The following RIMS2 variants were observed in gnomAD, a reference collection of about 807,000 sequenced individuals.
The protein encoded by RIMS2 is regulating synaptic membrane exocytosis protein 2.
A neutral mutation model predicts 174.4 loss-of-function variants in RIMS2; 59 were observed. That is an observed-to-expected ratio of 0.34 (90% CI 0.27 to 0.42). The LOEUF (loss-of-function observed/expected upper bound fraction) is 0.42. RIMS2 is among the 10% of genes least tolerant of loss of function. The pLI is 1.00. For missense variants in RIMS2, 1,620 were observed against 1,666.3 expected, an observed-to-expected ratio of 0.97 and a Z score of 0.48; for synonymous variants, 606 against 572.5, an observed-to-expected ratio of 1.06 and a Z score of -0.84.
At chr8:104,189,980 G>A (rs1365319343) in intron 19 of RIMS2, among the ~76,000 whole-genome samples, 2 of 151,990 alleles carry the variant, frequency 1.3e-5, no homozygotes, top group Admixed American at 1.3e-4. Flanking sequence ...CACCTCCAGT[G>A]ATGGAGAATT....
At chr8:104,193,072 T>C (rs1215343875) in intron 19 of RIMS2, among the ~76,000 whole-genome samples, 1 of 151,508 alleles carries the variant, frequency 6.6e-6, no homozygotes, top group Non-Finnish European at 1.5e-5. Context: ...TCTCCCTCCC[T>C]CCCTCCTTCC....
chr8:103,767,192 CTT>C (rs35159105), intron 3 of RIMS2, among the ~76,000 whole-genome samples: 179 of 138,500 alleles, frequency 1.3e-3, no homozygotes, highest in Admixed American at 1.3e-3. Context: ...CTTTTTCTTT[CTT>C]TTTTTTTTTT....
intron 2 of RIMS2, among the ~76,000 whole-genome samples, chr8:103,759,033 T>G (rs2098071978): frequency 6.7e-6 from 1 of 149,818 alleles, no homozygotes; most frequent in Admixed American, 6.7e-5. Flanking sequence ...TCTATTCTTC[T>G]ACATTGTAGG....
At chr8:103,989,391 T>G (rs1383996871) in exon 17 of RIMS2, 1 of 1,606,894 alleles carries the variant, frequency 6.2e-7, no homozygotes, top group Non-Finnish European at 8.5e-7. Context: ...CATCGTGTCA[T>G]GGATGACCAT....
intron 19 of RIMS2, among the ~76,000 whole-genome samples, chr8:104,189,655 C>T (rs1420645646): frequency 1.4e-5 from 2 of 146,372 alleles, no homozygotes; most frequent in Non-Finnish European, 3.0e-5. Flanking sequence ...ATATATATTC[C>T]AAATGTATAT....
intron 19 of RIMS2, among the ~76,000 whole-genome samples, chr8:104,045,357 G>A (rs1031080326): frequency 6.6e-6 from 1 of 151,770 alleles, no homozygotes; most frequent in African/African-American, 2.4e-5. Context: ...TCATAATGAA[G>A]TTTATTTTAA....
At chr8:103,761,693 A>G (rs537481617) in intron 2 of RIMS2, among the ~76,000 whole-genome samples, 26 of 152,350 alleles carry the variant, frequency 1.7e-4, no homozygotes, top group African/African-American at 5.3e-4. Context: ...AAGTTGTTGA[A>G]TAGCTAGCCA....
At chr8:103,508,628 G>A (rs1052532715) in intron 1 of RIMS2, among the ~76,000 whole-genome samples, 3 of 151,942 alleles carry the variant, frequency 2.0e-5, no homozygotes, top group Middle Eastern at 3.2e-3. Flanking sequence ...TTGGCAATAG[G>A]GAGTCATGGA....
chr8:103,902,581 G>A (rs2073394909), intron 4 of RIMS2, among the ~76,000 whole-genome samples: 1 of 152,060 alleles, frequency 6.6e-6, no homozygotes, highest in South Asian at 2.1e-4. Flanking sequence ...GTTGGACTTT[G>A]TGTTTAATAG....
intron 1 of RIMS2, among the ~76,000 whole-genome samples, chr8:103,546,738 C>T (rs1048193948): frequency 6.6e-6 from 1 of 152,120 alleles, no homozygotes; most frequent in Non-Finnish European, 1.5e-5. Flanking sequence ...CACTCAAAAC[C>T]ATTCAGCCAT....
chr8:103,514,934 CA>C (rs1011395816), intron 1 of RIMS2, among the ~76,000 whole-genome samples: 8 of 149,512 alleles, frequency 5.4e-5, no homozygotes, highest in East Asian at 3.9e-4. Context: ...AACAAAAAAA[CA>C]AAAAAAAACA....
At position 104,123,514 on chromosome 8, in the gene RIMS2, G is replaced by A. The variant is rs562924491; in HGVS notation, c.3334+108899G>A. Among the ~76,000 whole-genome samples the A allele has an allele frequency of 2.6e-5, 4 of 152,010 alleles. No individual in the cohort carries two copies. In the South Asian group the frequency reaches 8.3e-4, roughly 32 times the overall value. On this transcript the variant is annotated intron_variant, in intron 19 of 23. Coordinates refer to ENST00000504942, the Ensembl canonical transcript of RIMS2. The stretch of plus-strand genomic sequence containing the variant: ...TAAATTTTTGATTATGTGCATCATT[G>A]GGGACAGGAGGCTAATACAACAGTA...
intron 3 of RIMS2, among the ~76,000 whole-genome samples, chr8:103,809,763 G>C (rs979623957): frequency 1.3e-5 from 2 of 152,118 alleles, no homozygotes; most frequent in African/African-American, 4.8e-5. Context: ...ACATATTACT[G>C]ATGAGAGGAT....
At chr8:103,553,397 G>A (rs964282595) in intron 1 of RIMS2, among the ~76,000 whole-genome samples, 1 of 151,910 alleles carries the variant, frequency 6.6e-6, no homozygotes, top group Non-Finnish European at 1.5e-5. Context: ...ATTTAACAAT[G>A]ACAACACTTG....
chr8:104,254,700 C>A (rs1275781430), downstream of RIMS2: 4 of 152,180 alleles, frequency 2.6e-5, no homozygotes, highest in African/African-American at 9.6e-5. Context: ...CAGCAACTCA[C>A]AGATTTTTTG....
At chr8:103,627,348 G>A (rs1029760795) in intron 1 of RIMS2, among the ~76,000 whole-genome samples, 3 of 152,114 alleles carry the variant, frequency 2.0e-5, no homozygotes. Context: ...TTCTTTTTCA[G>A]GGTGCACTGA....
intron 3 of RIMS2, among the ~76,000 whole-genome samples, chr8:103,787,655 G>A (rs1346694968): frequency 1.3e-5 from 2 of 152,046 alleles, no homozygotes; most frequent in African/African-American, 2.4e-5. Flanking sequence ...TTAGTCTGAT[G>A]GGCTTCCCTT....
intron 13 of RIMS2, among the ~76,000 whole-genome samples, chr8:103,940,458 C>A (rs72681389): frequency 0.13 from 19,310 of 151,994 alleles, 1,692 homozygotes; most frequent in Non-Finnish European, 0.19. Flanking sequence ...AGTTAAAATT[C>A]AAGATGAGAT....
At chr8:104,203,938 G>T (rs1340745449) in intron 19 of RIMS2, among the ~76,000 whole-genome samples, 1 of 152,170 alleles carries the variant, frequency 6.6e-6, no homozygotes, top group East Asian at 1.9e-4. Flanking sequence ...CTTCTCAATT[G>T]AGTAAAGGGA....
Sources: allele counts gnomAD v4.1 joint callset (sites outside exome capture counted in the v4.1 genomes callset), GRCh38; gene constraint gnomAD v4.1.1; transcripts MANE v1.5; gene names NCBI Gene and HGNC (gene_info 2026-07-23, HGNC 2026-07-21).